The following DOCK10 variants were observed in gnomAD, a reference collection of about 807,000 sequenced individuals.
The protein encoded by DOCK10 is dedicator of cytokinesis protein 10.
Under a neutral mutation model 280.1 loss-of-function variants are expected in DOCK10, and 145 were observed. The observed-to-expected ratio is 0.52, with a 90% CI of 0.45 to 0.59. The LOEUF (loss-of-function observed/expected upper bound fraction) is 0.59. Ranked by LOEUF, DOCK10 falls within the 20% of genes least tolerant of loss-of-function variation. The pLI is 0.00. For synonymous variants in DOCK10, 915 were observed against 942.2 expected (o/e 0.97, Z 0.53); for missense variants, 2,368 against 2,651.7 (o/e 0.89, Z 2.35).
At chr2:224,818,422 G>A (rs575146671) in intron 29 of DOCK10, among the ~76,000 whole-genome samples, 78 of 131,442 alleles carry the variant, frequency 5.9e-4, no homozygotes, top group African/African-American at 2.3e-3. Flanking sequence ...TTTTTGAGAC[G>A]GAGTCTTGCT....
At chr2:224,919,677 A>G (rs979867268) in intron 2 of DOCK10, among the ~76,000 whole-genome samples, 1 of 151,554 alleles carries the variant, frequency 6.6e-6, no homozygotes, top group African/African-American at 2.4e-5. Flanking sequence ...GTGTCTGTCC[A>G]CGTGTGAATG....
chr2:224,925,137 T>C (rs891086608), intron 2 of DOCK10, among the ~76,000 whole-genome samples: 11 of 152,110 alleles, frequency 7.2e-5, no homozygotes, highest in African/African-American at 2.6e-4. Flanking sequence ...AAGCCACAGA[T>C]TTAAAAGAGG....
chr2:224,996,798 T>C (rs1310948557), intron 1 of DOCK10, among the ~76,000 whole-genome samples: 2 of 152,156 alleles, frequency 1.3e-5, no homozygotes. Context: ...CAGATTAAAT[T>C]TCAGGGTGAA....
chr2:224,830,489 T>C lies in DOCK10; in HGVS notation c.3036+52A>G, dbSNP rs1288369706. The C allele has an allele frequency of 6.1e-6, 6 of 989,194 alleles. No homozygotes were observed. In the African/African-American group the frequency reaches 8.3e-5, roughly 14 times the overall value. 61.3% of individuals were successfully genotyped at this position (989,194 alleles called of 1,614,324 possible). A position where few individuals can be genotyped will look rare whatever the true frequency, so the allele number is the denominator to read the frequency against. On this transcript the variant is annotated intron_variant, in intron 27 of 55. Coordinates refer to ENST00000258390, the MANE Select transcript of DOCK10 (RefSeq NM_014689.3). The stretch of plus-strand genomic sequence containing the variant: ...ATGACAGCATAATCATTAGTGTAAT[T>C]GTTGGATAATATTGTAAAAATATTA...
At chr2:224,852,713 T>G (rs1469939002) in intron 17 of DOCK10, among the ~76,000 whole-genome samples, 5 of 152,192 alleles carry the variant, frequency 3.3e-5, no homozygotes, top group Non-Finnish European at 7.4e-5. Context: ...CAAAATTATT[T>G]AAGACTGATT....
chr2:224,843,583 T>C (rs774650477), intron 22 of DOCK10, among the ~76,000 whole-genome samples: 5 of 152,156 alleles, frequency 3.3e-5, no homozygotes, highest in Admixed American at 6.5e-5. Context: ...GTCCAATGTA[T>C]ATACGATGCC....
At chr2:224,969,917 C>G (rs912733207) in intron 1 of DOCK10, among the ~76,000 whole-genome samples, 1 of 152,150 alleles carries the variant, frequency 6.6e-6, no homozygotes, top group Non-Finnish European at 1.5e-5. Context: ...TTTCCCTGCT[C>G]GAGGAGCCTC....
chr2:224,908,912 G>A (rs16866325), intron 3 of DOCK10, among the ~76,000 whole-genome samples: 1,526 of 152,282 alleles, frequency 0.01, 31 homozygotes, highest in African/African-American at 0.034. Context: ...TCCCGCAGCA[G>A]CATTGGTTTT....
Position 225,022,261 on chromosome 2 carries a change from T to C in DOCK10, c.123+19991A>G, listed in dbSNP as rs542377446. On this transcript the variant is annotated intron_variant, in intron 1 of 55. Coordinates refer to ENST00000258390, the MANE Select transcript of DOCK10 (RefSeq NM_014689.3). ...AGACCTACCATTTAAAATTGTGTAATCTTGTCTTACATCTACCATTTAAAA... is the reference window on the plus strand; with the variant it reads ...AGACCTACCATTTAAAATTGTGTAACCTTGTCTTACATCTACCATTTAAAA... 2.0e-5 allele frequency among the ~76,000 whole-genome samples: 3 copies of C among 152,346 alleles called. No homozygotes were observed. In the East Asian group the frequency reaches 5.8e-4, roughly 29 times the overall value.
chr2:224,828,193 C>T (rs976718909), intron 27 of DOCK10, among the ~76,000 whole-genome samples: 1 of 152,140 alleles, frequency 6.6e-6, no homozygotes, highest in African/African-American at 2.4e-5. Context: ...CCCAAAGAGG[C>T]TATAAAAATT....
At chr2:224,823,724 T>G in intron 27 of DOCK10, 77 bp from the exon 28 acceptor site, 4 of 1,350,884 alleles carry the variant, frequency 3.0e-6, no homozygotes, top group Non-Finnish European at 4.0e-6. Context: ...CTGAAATATT[T>G]ACTTTATTTT....
chr2:224,985,454 ATGTTCT>A (rs1268126613), intron 1 of DOCK10, among the ~76,000 whole-genome samples: 1 of 151,872 alleles, frequency 6.6e-6, no homozygotes, highest in African/African-American at 2.4e-5. Flanking sequence ...ACAATAAAAA[ATGTTCT>A]TGTTTCAAAG....
chr2:225,025,002 A>G (rs1689882397), intron 1 of DOCK10, among the ~76,000 whole-genome samples: 1 of 152,206 alleles, frequency 6.6e-6, no homozygotes, highest in South Asian at 2.1e-4. Flanking sequence ...CTGCAAAGGT[A>G]TTGGTCATGT....
At chr2:224,847,245 A>G (rs1696425767) in intron 19 of DOCK10, among the ~76,000 whole-genome samples, 1 of 152,198 alleles carries the variant, frequency 6.6e-6, no homozygotes, top group Non-Finnish European at 1.5e-5. Context: ...GTACACCATC[A>G]TTTCATTTTC....
chr2:224,807,839 C>T (rs1045949108), intron 32 of DOCK10, 55 bp from the exon 33 acceptor site: 5 of 1,575,416 alleles, frequency 3.2e-6, no homozygotes, highest in African/African-American at 1.4e-5. Context: ...ATAGGCTTGT[C>T]GGTTTCATAT....
intron 47 of DOCK10, among the ~76,000 whole-genome samples, chr2:224,791,631 A>ATT (rs11399071): frequency 0.024 from 3,379 of 139,180 alleles, 134 homozygotes; most frequent in African/African-American, 0.081. Context: ...CGCCCGGCTA[A>ATT]TTTTTTTTTT....
chr2:224,832,450 C>G (rs1177894229), intron 26 of DOCK10, among the ~76,000 whole-genome samples: 3 of 152,156 alleles, frequency 2.0e-5, no homozygotes, highest in Non-Finnish European at 2.9e-5. Context: ...GTCATACAAA[C>G]AATGCTGCGA....
At chr2:224,777,203 T>TTAATGTAATG (rs144307103) in intron 51 of DOCK10, among the ~76,000 whole-genome samples, 1 of 152,170 alleles carries the variant, frequency 6.6e-6, no homozygotes, top group African/African-American at 2.4e-5. Context: ...TGTTCAAAGG[T>TTAATGTAATG]TAATGTAATG....
chr2:224,958,750 G>C (rs1704196437), intron 1 of DOCK10, among the ~76,000 whole-genome samples: 1 of 152,056 alleles, frequency 6.6e-6, no homozygotes, highest in Non-Finnish European at 1.5e-5. Context: ...GCAATAAACA[G>C]TATCCTCTTT....
Sources: gnomAD v4.1 joint callset for allele counts (sites outside exome capture counted in the v4.1 genomes callset) on GRCh38, gnomAD v4.1.1 for gene constraint, MANE v1.5 for transcripts, NCBI Gene and HGNC (gene_info 2026-07-23, HGNC 2026-07-21) for gene names.